RPRD1A: variants seen among roughly 807,000 people sequenced by gnomAD.
The protein encoded by RPRD1A is regulation of nuclear pre-mRNA domain containing 1A.
A neutral mutation model predicts 37.8 loss-of-function variants in RPRD1A; 9 were observed. That is an observed-to-expected ratio of 0.24 (90% CI 0.14 to 0.42). The LOEUF is 0.42. Ranked by LOEUF, RPRD1A falls within the 10% of genes least tolerant of loss-of-function variation. The pLI is 1.00. For synonymous variants in RPRD1A, 138 were observed against 139.7 expected (o/e 0.99, Z 0.08); for missense variants, 255 against 371.0 (o/e 0.69, Z 2.57).
chr18:36,005,260 C>G (rs1909675814), intron 6 of RPRD1A, among the ~76,000 whole-genome samples: 1 of 151,982 alleles, frequency 6.6e-6, no homozygotes, highest in African/African-American at 2.4e-5. Context: ...GAGATTGCGC[C>G]ACTGCACTCC....
chr18:36,027,484 C>CTA (rs5823992), intron 4 of RPRD1A, 174 bp from the exon 5 acceptor site: 138,518 of 626,532 alleles, frequency 0.22, 15,958 homozygotes, highest in East Asian at 0.27. Flanking sequence ...GGAGGCTATA[C>CTA]TATGTTAGGT....
intron 6 of RPRD1A, among the ~76,000 whole-genome samples, chr18:36,002,577 T>C (rs748693233): frequency 1.1e-4 from 16 of 152,214 alleles, no homozygotes; most frequent in Non-Finnish European, 2.2e-4. Flanking sequence ...CTTTGGATTT[T>C]TTCTGGGCAT....
intron 6 of RPRD1A, among the ~76,000 whole-genome samples, chr18:36,019,597 T>G (rs929366234): frequency 6.6e-6 from 1 of 152,196 alleles, no homozygotes. Context: ...TCTACTTAAT[T>G]AAGACATAAA....
At chr18:36,036,945 C>T (rs1000334916) in intron 1 of RPRD1A, among the ~76,000 whole-genome samples, 30 of 152,232 alleles carry the variant, frequency 2.0e-4, no homozygotes, top group Middle Eastern at 3.4e-3. Context: ...TTTCCAAAAA[C>T]ACCGGTTTTC....
chr18:36,055,433 T>A (rs1425492821), intron 1 of RPRD1A, among the ~76,000 whole-genome samples: 2 of 152,218 alleles, frequency 1.3e-5, no homozygotes, highest in South Asian at 2.1e-4. Flanking sequence ...GAGAATCAAG[T>A]AAGATACATT....
intron 6 of RPRD1A, among the ~76,000 whole-genome samples, chr18:36,007,312 G>C (rs1330468822): frequency 1.3e-5 from 2 of 152,156 alleles, no homozygotes; most frequent in Non-Finnish European, 2.9e-5. Context: ...CAGAATTTCA[G>C]TTTTGTACAA....
chr18:36,036,510 A>T (rs1012091694), intron 1 of RPRD1A, among the ~76,000 whole-genome samples: 3 of 152,202 alleles, frequency 2.0e-5, no homozygotes, highest in African/African-American at 7.2e-5. Context: ...CAAATTCCAT[A>T]TGAGGTGATT....
At chr18:36,060,208 G>A (rs2088878893) in intron 1 of RPRD1A, among the ~76,000 whole-genome samples, 1 of 152,118 alleles carries the variant, frequency 6.6e-6, no homozygotes, top group Non-Finnish European at 1.5e-5. Flanking sequence ...AAGGTGGGCG[G>A]ATCACGAGGT....
chr18:35,996,051 T>G (rs1021169853), intron 6 of RPRD1A, among the ~76,000 whole-genome samples: 1 of 152,154 alleles, frequency 6.6e-6, no homozygotes, highest in African/African-American at 2.4e-5. Context: ...GATGGGATCC[T>G]GGAACAGAAA....
chr18:36,030,721 A>G, intron 4 of RPRD1A, 87 bp downstream of exon 4: 2 of 763,232 alleles, frequency 2.6e-6, no homozygotes, highest in Non-Finnish European at 4.4e-6. Flanking sequence ...ATAGAAATCA[A>G]TTTACAGAAG....
chr18:36,000,574 T>A (rs1909355336), intron 6 of RPRD1A, among the ~76,000 whole-genome samples: 1 of 152,184 alleles, frequency 6.6e-6, no homozygotes. Context: ...ATTATTAGGG[T>A]AGATGTTACA....
chr18:36,025,547 TAA>T, intron 6 of RPRD1A: 2 of 887,094 alleles, frequency 2.3e-6, no homozygotes, highest in East Asian at 6.2e-5. Context: ...TAAAGCAGAA[TAA>T]AGTTACAGTC....
chr18:36,059,128 T>A (rs1177034044), intron 1 of RPRD1A, among the ~76,000 whole-genome samples: 1 of 152,190 alleles, frequency 6.6e-6, no homozygotes, highest in Non-Finnish European at 1.5e-5. Context: ...ATACATACAA[T>A]TACAATGTGT....
At chr18:36,023,050 CCTG>C (rs1397435238) in intron 6 of RPRD1A, among the ~76,000 whole-genome samples, 1 of 152,208 alleles carries the variant, frequency 6.6e-6, no homozygotes, top group Non-Finnish European at 1.5e-5. Context: ...AGTGTTCATG[CCTG>C]CTAACACGTG....
chr18:36,030,912 T>G lies in RPRD1A; in HGVS notation c.389-7A>C, dbSNP rs1461975414. 1 of 1,606,392 alleles carries G rather than the reference T, an allele frequency of 6.2e-7. No homozygotes were observed. On this transcript the variant is annotated splice_region_variant and splice_polypyrimidine_tract_variant and intron_variant, in intron 3 of 6. Transcript: ENST00000399022. ...CTAGGCTTCTTATCACCATCTGAAATGAAAGAACATTTAAGTATTAATGAA... is the reference window on the plus strand; with the variant it reads ...CTAGGCTTCTTATCACCATCTGAAAGGAAAGAACATTTAAGTATTAATGAA...
chr18:35,993,172 T>C lies in RPRD1A; in HGVS notation c.918A>G (p.Gly306=), dbSNP rs1474109519. 1.2e-6 allele frequency: 2 copies of C among 1,613,984 alleles called. No homozygotes were observed. Among genetic ancestry groups the C allele is most frequent in the Non-Finnish European group, 1.7e-6 (2 of 1,180,012 alleles). The change falls in exon 7 of 7, where the codon GGA becomes GGG. Residue 306 remains glycine, a synonymous_variant. Transcript: ENST00000399022. ...TGSHMHLPFA[G]DIYSED is the part of the protein sequence containing the mutation. Reference sequence around the variant, plus strand: ...TCCATCAATCTTCACTGTAGATGTCTCCCGCAAAGGGCAGGTGCATGTGGC... The same window carrying C: ...TCCATCAATCTTCACTGTAGATGTCCCCCGCAAAGGGCAGGTGCATGTGGC...
intron 6 of RPRD1A, among the ~76,000 whole-genome samples, chr18:36,000,656 C>T (rs540239870): frequency 6.6e-6 from 1 of 152,284 alleles, no homozygotes; most frequent in South Asian, 2.1e-4. Flanking sequence ...CTACACTTCT[C>T]ATCTGCTTAC....
rs1265855167 is a variant in RPRD1A, at chr18:36,040,814, T to A, written c.152-6977A>T. The A allele has an allele frequency of 3.3e-6, 5 of 1,518,824 alleles. No homozygotes were observed. In the South Asian group the frequency reaches 6.1e-5, roughly 19 times the overall value. 94.1% of individuals were successfully genotyped at this position (1,518,824 alleles called of 1,614,324 possible). ...GTGTTTTTATTCACTTACAGTAAAT[T>A]CCTGTTTGACAAAATCTCCAATTGG... On this transcript the variant is annotated intron_variant, in intron 1 of 6. Coordinates refer to ENST00000399022, the MANE Select transcript of RPRD1A (RefSeq NM_018170.5).
At chr18:36,028,531 T>C (rs1277081696) in intron 4 of RPRD1A, among the ~76,000 whole-genome samples, 1 of 152,200 alleles carries the variant, frequency 6.6e-6, no homozygotes, top group East Asian at 1.9e-4. Flanking sequence ...AAATCTGGCT[T>C]TATTGTCTTG....
Sources: allele counts gnomAD v4.1 joint callset (sites outside exome capture counted in the v4.1 genomes callset), GRCh38; gene constraint gnomAD v4.1.1; transcripts MANE v1.5; gene names NCBI Gene and HGNC (gene_info 2026-07-23, HGNC 2026-07-21).